Variants in SEMA6D observed in about 807,000 individuals in gnomAD.
The protein encoded by SEMA6D is semaphorin 6D.
In SEMA6D, 35 loss-of-function variants were observed where a neutral mutation model predicts 106.6. The ratio of observed to expected loss-of-function variants is 0.33; its 90% confidence interval spans 0.25 to 0.44. SEMA6D has a LOEUF of 0.44. Among genes scored for constraint, SEMA6D ranks in the 20% least tolerant of loss-of-function variants. SEMA6D has a pLI of 1.00. For missense variants in SEMA6D, 1,185 were observed against 1,345.9 expected (o/e 0.88, Z 1.87); for synonymous variants, 499 against 487.7 (o/e 1.02, Z -0.31).
chr15:47,415,043 C>T (rs989078897), intron 2 of SEMA6D, among the ~76,000 whole-genome samples: 23 of 152,106 alleles, frequency 1.5e-4, no homozygotes, highest in African/African-American at 5.3e-4. Context: ...CAAATCACTA[C>T]ACAGAATTTA....
chr15:47,697,420 A>G (rs2078723796), intron 4 of SEMA6D, among the ~76,000 whole-genome samples: 1 of 152,178 alleles, frequency 6.6e-6, no homozygotes, highest in Non-Finnish European at 1.5e-5. Context: ...AGTATCCACA[A>G]TAATGGTTTG....
chr15:47,460,696 G>T (rs898095579), intron 2 of SEMA6D, among the ~76,000 whole-genome samples: 1 of 152,000 alleles, frequency 6.6e-6, no homozygotes, highest in African/African-American at 2.4e-5. Context: ...TAAACATATT[G>T]CAAAAATTTC....
intron 4 of SEMA6D, among the ~76,000 whole-genome samples, chr15:47,640,576 A>G (rs909245307): frequency 2.0e-5 from 3 of 152,212 alleles, no homozygotes; most frequent in Non-Finnish European, 4.4e-5. Context: ...TTAAGGGATC[A>G]TTAAAAAGAA....
intron 3 of SEMA6D, among the ~76,000 whole-genome samples, chr15:47,520,116 G>A (rs932011333): frequency 2.0e-5 from 3 of 152,204 alleles, no homozygotes; most frequent in Non-Finnish European, 2.9e-5. Context: ...GTCTGGGCAT[G>A]TGCAGTTCTA....
At chr15:47,728,498 G>A (rs776211640) in intron 1 of SEMA6D, among the ~76,000 whole-genome samples, 1 of 152,168 alleles carries the variant, frequency 6.6e-6, no homozygotes, top group Non-Finnish European at 1.5e-5. Context: ...CTCATCTAAT[G>A]CTCATATCAG....
intron 1 of SEMA6D, among the ~76,000 whole-genome samples, chr15:47,220,279 C>G (rs905119529): frequency 1.3e-5 from 2 of 152,190 alleles, no homozygotes; most frequent in Admixed American, 6.5e-5. Context: ...TATTGCTGTT[C>G]TCTATCTCTT....
At chr15:47,265,119 G>A (rs1344906059) in intron 1 of SEMA6D, among the ~76,000 whole-genome samples, 1 of 151,940 alleles carries the variant, frequency 6.6e-6, no homozygotes, top group East Asian at 1.9e-4. Flanking sequence ...AGTGACACAG[G>A]CCTAAAGGAG....
chr15:47,252,771 CCA>C (rs1433676392), intron 1 of SEMA6D, among the ~76,000 whole-genome samples: 3 of 152,092 alleles, frequency 2.0e-5, no homozygotes, highest in African/African-American at 7.2e-5. Flanking sequence ...TGTATATATG[CCA>C]CATTTTCTTT....
At chr15:47,642,329 G>A (rs982274139) in intron 4 of SEMA6D, among the ~76,000 whole-genome samples, 4 of 152,120 alleles carry the variant, frequency 2.6e-5, no homozygotes, top group Admixed American at 2.0e-4. Context: ...GAGTAAACTG[G>A]GGTGCAGAGA....
chr15:47,489,109 A>G (rs2043385422), intron 3 of SEMA6D, among the ~76,000 whole-genome samples: 1 of 152,164 alleles, frequency 6.6e-6, no homozygotes, highest in Non-Finnish European at 1.5e-5. Flanking sequence ...CCTAAATCCA[A>G]TGAGAAGTGT....
intron 1 of SEMA6D, chr15:47,359,301 GGTC>G (rs1414150219): frequency 6.6e-6 from 1 of 151,928 alleles, no homozygotes; most frequent in African/African-American, 2.4e-5. Flanking sequence ...TTAAATAATT[GGTC>G]TTAAATAATT....
chr15:47,546,429 A>T (rs912053940), intron 3 of SEMA6D, among the ~76,000 whole-genome samples: 1 of 152,126 alleles, frequency 6.6e-6, no homozygotes, highest in Non-Finnish European at 1.5e-5. Flanking sequence ...TTGTCTGTCT[A>T]ATTAATAAAA....
intron 1 of SEMA6D, among the ~76,000 whole-genome samples, chr15:47,265,159 T>C (rs1352789959): frequency 6.6e-6 from 1 of 152,052 alleles, no homozygotes; most frequent in Non-Finnish European, 1.5e-5. Flanking sequence ...TTCTCTCCTA[T>C]TTTTTGGAAG....
chr15:47,544,258 C>G (rs1266434911), intron 3 of SEMA6D, among the ~76,000 whole-genome samples: 1 of 152,060 alleles, frequency 6.6e-6, no homozygotes, highest in South Asian at 2.1e-4. Flanking sequence ...GTTTCCCAAT[C>G]CCAAAATATC....
At chr15:47,221,076 T>A (rs1340101181) in intron 1 of SEMA6D, among the ~76,000 whole-genome samples, 1 of 152,170 alleles carries the variant, frequency 6.6e-6, no homozygotes, top group African/African-American at 2.4e-5. Context: ...TCTGTGCACT[T>A]CTGTAGGTCC....
At chr15:47,481,665 T>A (rs2043156397) in intron 3 of SEMA6D, among the ~76,000 whole-genome samples, 1 of 152,168 alleles carries the variant, frequency 6.6e-6, no homozygotes, top group Non-Finnish European at 1.5e-5. Context: ...TGAGTATAAC[T>A]GCAGTGCTCT....
At chr15:47,591,261 A>C (rs2076433734) in intron 3 of SEMA6D, among the ~76,000 whole-genome samples, 1 of 152,202 alleles carries the variant, frequency 6.6e-6, no homozygotes, top group South Asian at 2.1e-4. Context: ...TGGAGCTCTC[A>C]TAACCTACAC....
At chr15:47,586,341 A>G (rs1011452137) in intron 3 of SEMA6D, among the ~76,000 whole-genome samples, 6 of 152,222 alleles carry the variant, frequency 3.9e-5, no homozygotes, top group African/African-American at 1.4e-4. Context: ...TTTAGAAGAT[A>G]CATCAAGGAT....
At chr15:47,316,542 G>T (rs948219176) in intron 1 of SEMA6D, among the ~76,000 whole-genome samples, 5 of 142,096 alleles carry the variant, frequency 3.5e-5, no homozygotes, top group South Asian at 4.2e-4. Flanking sequence ...GGATTTTTTT[G>T]GGGGGGGTTT....
Sources: allele counts gnomAD v4.1 joint callset (sites outside exome capture counted in the v4.1 genomes callset), GRCh38; gene constraint gnomAD v4.1.1; transcripts MANE v1.5; gene names NCBI Gene and HGNC (gene_info 2026-07-23, HGNC 2026-07-21).